The following RBMS3 variants were observed in gnomAD, a reference collection of about 807,000 sequenced individuals.
The protein encoded by RBMS3 is RNA binding motif single stranded interacting protein 3.
RBMS3 carries 27 observed loss-of-function variants against 66.8 expected under a neutral mutation model. That is an observed-to-expected ratio of 0.40 (90% CI 0.30 to 0.56). The LOEUF (loss-of-function observed/expected upper bound fraction) is 0.56. RBMS3 is among the 20% of genes least tolerant of loss of function. The probability of loss-of-function intolerance (pLI) is 0.40; values close to 1 mark genes in which losing one functional copy is unlikely to be tolerated. For missense variants in RBMS3, 513 were observed against 549.5 expected (o/e 0.93, Z 0.66); for synonymous variants, 188 against 183.0 (o/e 1.03, Z -0.22).
At chr3:29,429,639 C>T (rs970983285) in intron 1 of RBMS3, among the ~76,000 whole-genome samples, 5 of 152,178 alleles carry the variant, frequency 3.3e-5, no homozygotes, top group Non-Finnish European at 5.9e-5. Context: ...CCTGTTATAG[C>T]ACAGTGTTAC....
chr3:29,547,807 ATTTTT>A (rs3043400), intron 3 of RBMS3, among the ~76,000 whole-genome samples: 4 of 93,294 alleles, frequency 4.3e-5, no homozygotes, highest in African/African-American at 8.4e-5. Context: ...TTGTGGATTG[ATTTTT>A]TTTTTTTTTT....
At chr3:29,537,594 G>C (rs150754931) in intron 3 of RBMS3, 1,779 of 152,254 alleles carry the variant, frequency 0.012, 35 homozygotes, top group African/African-American at 0.04. Flanking sequence ...GCAGGCCGAG[G>C]GGGGTGGATC....
At chr3:29,860,813 T>A (rs1577016640) in intron 6 of RBMS3, among the ~76,000 whole-genome samples, 1 of 152,222 alleles carries the variant, frequency 6.6e-6, no homozygotes, top group East Asian at 1.9e-4. Flanking sequence ...AGCTTTTTAA[T>A]GTACAAGTCA....
At chr3:29,926,274 A>T (rs1348132374) in intron 10 of RBMS3, among the ~76,000 whole-genome samples, 1 of 152,196 alleles carries the variant, frequency 6.6e-6, no homozygotes, top group African/African-American at 2.4e-5. Context: ...TCACACCTGT[A>T]TCCTTAGATC....
chr3:29,521,827 C>A (rs1215655275), intron 3 of RBMS3, among the ~76,000 whole-genome samples: 1 of 152,164 alleles, frequency 6.6e-6, no homozygotes, highest in Non-Finnish European at 1.5e-5. Flanking sequence ...TAATTTGAAT[C>A]CAGAAAGCCT....
chr3:29,281,114 GTTTTTT>G lies in RBMS3; in HGVS notation c.-555_-550del, dbSNP rs5847560. On this transcript the variant is annotated 5_prime_UTR_variant, in exon 1 of 15. Coordinates refer to ENST00000383767, the MANE Select transcript of RBMS3 (RefSeq NM_001003793.3). ...GACAGCAGCAACTAAGCTGTACAAG[GTTTTTT>G]TTTTTTTTTTTTCTTCCTTTTTTTC... The G allele has an allele frequency of 4.0e-5, 4 of 100,432 alleles. No homozygotes were observed. Among genetic ancestry groups the G allele is most frequent in the East Asian group, 3.2e-4 (1 of 3,160 alleles). 6.2% of individuals were successfully genotyped at this position (100,432 alleles called of 1,614,324 possible). A position where few individuals can be genotyped will look rare whatever the true frequency, so the allele number is the denominator to read the frequency against.
At chr3:29,414,310 C>T (rs1040309839) in intron 1 of RBMS3, among the ~76,000 whole-genome samples, 1 of 152,172 alleles carries the variant, frequency 6.6e-6, no homozygotes, top group Non-Finnish European at 1.5e-5. Flanking sequence ...AGATAGGACA[C>T]AGTCAAAGGA....
At chr3:29,691,719 T>A (rs942749543) in intron 4 of RBMS3, among the ~76,000 whole-genome samples, 23 of 152,178 alleles carry the variant, frequency 1.5e-4, no homozygotes, top group African/African-American at 5.1e-4. Context: ...TTTGGTTGGT[T>A]TCTCTGACAG....
intron 1 of RBMS3, among the ~76,000 whole-genome samples, chr3:29,423,888 TGG>T (rs996790762): frequency 4.6e-5 from 7 of 152,332 alleles, no homozygotes; most frequent in African/African-American, 1.7e-4. Context: ...CTTCAGGTCC[TGG>T]GTATGATGCT....
At chr3:29,492,319 A>G (rs905636908) in intron 3 of RBMS3, among the ~76,000 whole-genome samples, 1 of 152,202 alleles carries the variant, frequency 6.6e-6, no homozygotes, top group Non-Finnish European at 1.5e-5. Flanking sequence ...TGACATAGAT[A>G]TGAGAAGATA....
chr3:29,797,957 C>T (rs1024887091), intron 6 of RBMS3: 2 of 151,984 alleles, frequency 1.3e-5, no homozygotes, highest in Non-Finnish European at 2.9e-5. Context: ...ACTTAGAGGT[C>T]ATTGTAGGGT....
intron 6 of RBMS3, among the ~76,000 whole-genome samples, chr3:29,849,770 A>G (rs1422731993): frequency 6.6e-6 from 1 of 152,178 alleles, no homozygotes; most frequent in East Asian, 1.9e-4. Context: ...GTTCATTTCC[A>G]TTTTGATGGC....
chr3:29,431,649 C>G (rs1474157402), intron 1 of RBMS3, among the ~76,000 whole-genome samples: 1 of 152,114 alleles, frequency 6.6e-6, no homozygotes, highest in Non-Finnish European at 1.5e-5. Flanking sequence ...CCTGTCATGT[C>G]TATTCTTTCA....
intron 3 of RBMS3, among the ~76,000 whole-genome samples, chr3:29,490,761 G>A (rs1187958993): frequency 6.6e-6 from 1 of 152,166 alleles, no homozygotes; most frequent in Admixed American, 6.5e-5. Flanking sequence ...GCTGGGCCAT[G>A]GCCAAGGGAT....
At chr3:29,845,965 T>C (rs2058764906) in intron 6 of RBMS3, among the ~76,000 whole-genome samples, 1 of 152,126 alleles carries the variant, frequency 6.6e-6, no homozygotes, top group African/African-American at 2.4e-5. Flanking sequence ...GCAAGAACAC[T>C]GTAACTAGTT....
At chr3:29,981,069 A>C (rs549478856) in intron 12 of RBMS3, among the ~76,000 whole-genome samples, 1 of 152,236 alleles carries the variant, frequency 6.6e-6, no homozygotes, top group Admixed American at 6.5e-5. Context: ...ATGAGCATGG[A>C]ATGTTTTTTT....
chr3:29,668,915 C>T (rs567390746), intron 4 of RBMS3, among the ~76,000 whole-genome samples: 41 of 152,280 alleles, frequency 2.7e-4, no homozygotes, highest in African/African-American at 9.9e-4. Context: ...AAGGTTAGAT[C>T]CCTGCCTGTA....
rs11479392 is a variant in RBMS3 at position 29,764,382 on chromosome 3, C to CT, written c.637+1406dup. ...CTGCCCTTGCATTTTAGCAGAAATACTTTTTTTTTTTTTGTATAAACAGAC... is the reference window on the plus strand; with the variant it reads ...CTGCCCTTGCATTTTAGCAGAAATACTTTTTTTTTTTTTTGTATAAACAGAC... On this transcript the variant is annotated intron_variant, in intron 6 of 14. Transcript: ENST00000383767. 1.3e-3 allele frequency among the ~76,000 whole-genome samples: 190 copies of CT among 148,576 alleles called. 1 individual carries two copies. The highest frequency in any genetic ancestry group is 8.2e-3 in the South Asian group (39 of 4,748).
At chr3:29,414,844 C>T (rs1215599447) in intron 1 of RBMS3, among the ~76,000 whole-genome samples, 3 of 152,150 alleles carry the variant, frequency 2.0e-5, no homozygotes, top group Non-Finnish European at 4.4e-5. Context: ...GTTTAGGGCA[C>T]CGTGATGCTA....
Sources: allele counts gnomAD v4.1 joint callset (sites outside exome capture counted in the v4.1 genomes callset), GRCh38; gene constraint gnomAD v4.1.1; transcripts MANE v1.5; gene names NCBI Gene and HGNC (gene_info 2026-07-23, HGNC 2026-07-21).